The following WDR59 variants were observed in gnomAD, a reference collection of about 807,000 sequenced individuals.
WDR59 encodes the protein WD repeat domain 59, also known as GATOR2 complex protein WDR59.
Under a neutral mutation model 131.2 loss-of-function variants are expected in WDR59, and 100 were observed. That is an observed-to-expected ratio of 0.76 (90% CI 0.65 to 0.90). The LOEUF is 0.90. WDR59 is among the 40% of genes least tolerant of loss of function. The pLI is 0.00. For synonymous variants in WDR59, 601 were observed against 466.2 expected, an observed-to-expected ratio of 1.29 and a Z score of -3.72; for missense variants, 1,203 against 1,262.2, an observed-to-expected ratio of 0.95 and a Z score of 0.71.
chr16:74,941,914 G>A (rs1424116348), intron 7 of WDR59, among the ~76,000 whole-genome samples: 1 of 152,046 alleles, frequency 6.6e-6, no homozygotes, highest in African/African-American at 2.4e-5. Flanking sequence ...TAAGACAGTG[G>A]GGACATCCCT....
intron 14 of WDR59, 110 bp from the exon 15 acceptor site, chr16:74,910,027 G>C: frequency 1.1e-6 from 1 of 913,958 alleles, no homozygotes; most frequent in Non-Finnish European, 1.6e-6. Flanking sequence ...GAGTGTAGTG[G>C]TACGATCTCG....
chr16:74,894,683 G>C (rs562296301), intron 18 of WDR59, among the ~76,000 whole-genome samples: 4 of 152,270 alleles, frequency 2.6e-5, no homozygotes, highest in Non-Finnish European at 4.4e-5. Flanking sequence ...TAGTAAAAAG[G>C]CCTCCAATTT....
At chr16:74,886,042 G>A (rs1223471606) in intron 24 of WDR59, 2 of 658,428 alleles carry the variant, frequency 3.0e-6, no homozygotes, top group Non-Finnish European at 4.9e-6. Flanking sequence ...GCCAGTCATG[G>A]TGGCGTGTGC....
intron 10 of WDR59, 80 bp downstream of exon 10, chr16:74,921,867 T>G: frequency 6.6e-7 from 1 of 1,509,480 alleles, no homozygotes; most frequent in Non-Finnish European, 8.9e-7. Context: ...TCTTCTTTAC[T>G]GGACTCCATG....
chr16:74,896,551 C>T (rs1654074193), intron 18 of WDR59, among the ~76,000 whole-genome samples: 2 of 151,848 alleles, frequency 1.3e-5, no homozygotes, highest in Non-Finnish European at 1.5e-5. Context: ...AGGAGAATTG[C>T]TTGAACCCGG....
chr16:74,944,904 C>G (rs774703894), intron 6 of WDR59, among the ~76,000 whole-genome samples: 2 of 151,158 alleles, frequency 1.3e-5, no homozygotes, highest in Non-Finnish European at 3.0e-5. Flanking sequence ...GGCAGGTAGG[C>G]CACAAAGTCA....
At position 74,938,153 on chromosome 16, in the gene WDR59, C is replaced by G; in HGVS notation, c.648G>C (p.Val216=). ...ILATSSQDNS[V]KFWDYRQPRK... is the part of the protein sequence containing the mutation. ...CTTCCCCATGGGTGCCACTGACCTT[C>G]ACAGAATTGTCTTGACTGGAGGTAG... Residue 216 remains valine (V), a synonymous_variant, in exon 8 of 26, where the codon GTG becomes GTC. Coordinates refer to ENST00000262144, the MANE Select transcript of WDR59 (RefSeq NM_030581.4). 6.5e-7 allele frequency: 1 copy of G among 1,540,530 alleles called. No individual in the cohort carries two copies. Among genetic ancestry groups the G allele is most frequent in the African/African-American group, 1.4e-5 (1 of 71,918 alleles).
intron 2 of WDR59, among the ~76,000 whole-genome samples, chr16:74,961,637 GTTGT>G (rs1011976877): frequency 8.5e-5 from 13 of 152,174 alleles, no homozygotes; most frequent in African/African-American, 4.8e-5. Flanking sequence ...TTTTAACGGG[GTTGT>G]TTATTTCTTG....
chr16:74,966,113 T>G (rs897209370), intron 1 of WDR59, among the ~76,000 whole-genome samples: 2 of 152,062 alleles, frequency 1.3e-5, no homozygotes, highest in African/African-American at 4.8e-5. Context: ...ACACATTCAT[T>G]TTTGACAATA....
chr16:74,981,643 T>TATATATATATATAC (rs2034422734), intron 1 of WDR59, among the ~76,000 whole-genome samples: 1 of 22,628 alleles, frequency 4.4e-5, no homozygotes, highest in African/African-American at 2.0e-4. Context: ...TATATATATA[T>TATATATATATATAC]ATATATATAT....
At chr16:74,970,113 T>G (rs766558641) in intron 1 of WDR59, among the ~76,000 whole-genome samples, 3 of 152,162 alleles carry the variant, frequency 2.0e-5, no homozygotes, top group African/African-American at 4.8e-5. Flanking sequence ...TTGGTAGAGA[T>G]AGTGTTTCAC....
intron 10 of WDR59, among the ~76,000 whole-genome samples, chr16:74,918,783 G>C (rs951632227): frequency 6.6e-6 from 1 of 152,178 alleles, no homozygotes; most frequent in Non-Finnish European, 1.5e-5. Flanking sequence ...TATGGATGGG[G>C]AAACTGAGGC....
intron 6 of WDR59, 48 bp downstream of exon 6, chr16:74,948,471 G>A (rs1326414918): frequency 6.4e-7 from 1 of 1,561,126 alleles, no homozygotes; most frequent in East Asian, 2.2e-5. Context: ...GGAAGAAAAT[G>A]AAGACAAACC....
chr16:74,896,765 G>A (rs1313065378), intron 18 of WDR59, among the ~76,000 whole-genome samples: 1 of 152,130 alleles, frequency 6.6e-6, no homozygotes, highest in Non-Finnish European at 1.5e-5. Flanking sequence ...ATTGACAAAT[G>A]ACACAAGTCC....
At chr16:74,953,551 T>G (rs2033123239) in intron 3 of WDR59, among the ~76,000 whole-genome samples, 1 of 151,716 alleles carries the variant, frequency 6.6e-6, no homozygotes, top group South Asian at 2.1e-4. Context: ...TTAAAGCTTT[T>G]GTGCATCAAA....
chr16:74,922,572 C>A (rs531779031), intron 9 of WDR59, among the ~76,000 whole-genome samples: 1 of 152,302 alleles, frequency 6.6e-6, no homozygotes, highest in Admixed American at 6.5e-5. Flanking sequence ...TCCCGCCCCC[C>A]CGGCACTGCA....
At chr16:74,874,824 C>T (rs1490833948) in intron 25 of WDR59, among the ~76,000 whole-genome samples, 1 of 152,208 alleles carries the variant, frequency 6.6e-6, no homozygotes, top group African/African-American at 2.4e-5. Flanking sequence ...CTCCTGACCT[C>T]AGGTGATCCA....
chr16:74,915,810 G>A, intron 13 of WDR59, 60 bp downstream of exon 13: 1 of 1,606,208 alleles, frequency 6.2e-7, no homozygotes, highest in Non-Finnish European at 8.5e-7. Context: ...TGCTGAAATG[G>A]TTCCCTCTCC....
chr16:74,891,095 A>T (rs1401181821), intron 20 of WDR59, among the ~76,000 whole-genome samples: 1 of 149,602 alleles, frequency 6.7e-6, no homozygotes, highest in Non-Finnish European at 1.5e-5. Flanking sequence ...CCTGGGCGAC[A>T]GAGCGAGACT....
Sources: gnomAD v4.1 joint callset for allele counts (sites outside exome capture counted in the v4.1 genomes callset) on GRCh38, gnomAD v4.1.1 for gene constraint, MANE v1.5 for transcripts, NCBI Gene and HGNC (gene_info 2026-07-23, HGNC 2026-07-21) for gene names.